The following NLGN1 variants were observed in gnomAD, a reference collection of about 807,000 sequenced individuals.
The protein encoded by NLGN1 is neuroligin 1.
NLGN1 carries 12 observed loss-of-function variants against 65.5 expected under a neutral mutation model. That is an observed-to-expected ratio of 0.18 (90% confidence interval 0.12 to 0.30). The LOEUF (loss-of-function observed/expected upper bound fraction) is 0.30. NLGN1 is among the 10% of genes least tolerant of loss of function. The pLI is 1.00. For synonymous variants in NLGN1, 350 were observed against 359.5 expected, an observed-to-expected ratio of 0.97 and a Z score of 0.30; for missense variants, 750 against 1,007.1, an observed-to-expected ratio of 0.74 and a Z score of 3.46.
intron 4 of NLGN1, among the ~76,000 whole-genome samples, chr3:174,178,694 A>G (rs1042758281): frequency 6.6e-6 from 1 of 151,822 alleles, no homozygotes; most frequent in South Asian, 2.1e-4. Context: ...TCTCCTGTGT[A>G]TTTTTTTTCC....
At chr3:173,755,116 GA>G (rs1227817313) in intron 3 of NLGN1, among the ~76,000 whole-genome samples, 1 of 151,980 alleles carries the variant, frequency 6.6e-6, no homozygotes, top group Non-Finnish European at 1.5e-5. Context: ...TAAAAATCAG[GA>G]AAAATTTTGG....
chr3:174,123,256 T>C (rs1400982342), intron 4 of NLGN1, among the ~76,000 whole-genome samples: 2 of 152,090 alleles, frequency 1.3e-5, no homozygotes, highest in Non-Finnish European at 2.9e-5. Context: ...GCAGAAAAAT[T>C]AATGGCCACC....
At chr3:173,408,053 G>A (rs1711634594) in intron 1 of NLGN1, among the ~76,000 whole-genome samples, 1 of 152,078 alleles carries the variant, frequency 6.6e-6, no homozygotes. Context: ...CATCAAATGA[G>A]AAGATTCTTC....
chr3:173,780,538 A>G (rs1350200802), intron 3 of NLGN1, among the ~76,000 whole-genome samples: 3 of 152,224 alleles, frequency 2.0e-5, no homozygotes, highest in Non-Finnish European at 2.9e-5. Context: ...AGCAACCAAG[A>G]CAATAACATG....
chr3:173,800,285 A>G, intron 3 of NLGN1: 4 of 1,115,402 alleles, frequency 3.6e-6, no homozygotes, highest in Non-Finnish European at 3.4e-6. Flanking sequence ...CTCCGTTCTC[A>G]ATCCTAGGTC....
intron 3 of NLGN1, 139 bp downstream of exon 3, chr3:173,605,732 A>C: frequency 2.5e-6 from 1 of 403,830 alleles, no homozygotes; most frequent in Non-Finnish European, 4.7e-6. Flanking sequence ...GCTGTCAAGG[A>C]ATATAAAGGT....
chr3:173,695,333 T>A (rs943422319), intron 3 of NLGN1, among the ~76,000 whole-genome samples: 1 of 152,096 alleles, frequency 6.6e-6, no homozygotes, highest in African/African-American at 2.4e-5. Flanking sequence ...CATTTGTTAA[T>A]AGGTAGCTTG....
chr3:173,498,695 T>C (rs1021237628), intron 2 of NLGN1, among the ~76,000 whole-genome samples: 3 of 151,782 alleles, frequency 2.0e-5, no homozygotes, highest in African/African-American at 4.9e-5. Flanking sequence ...TCCTATTTCT[T>C]CACATCCTCT....
intron 3 of NLGN1, among the ~76,000 whole-genome samples, chr3:173,747,197 TAA>T (rs972329332): frequency 1.1e-4 from 15 of 134,788 alleles, no homozygotes; most frequent in African/African-American, 3.9e-4. Flanking sequence ...AATATATATA[TAA>T]TATATATATC....
At chr3:173,415,298 A>G (rs1371937858) in intron 1 of NLGN1, among the ~76,000 whole-genome samples, 1 of 152,224 alleles carries the variant, frequency 6.6e-6, no homozygotes, top group African/African-American at 2.4e-5. Context: ...AGGGATTGCT[A>G]TTTAAATCTG....
chr3:174,178,523 A>C lies in NLGN1; in HGVS notation c.647-96792A>C, dbSNP rs151299132. ...GAGCAGTAAATCCGGTGCTTAAAGT[A>C]GAAGATGAGTATTTCACTGCCTAGC... On this transcript the variant is annotated intron_variant, in intron 4 of 6. Transcript: ENST00000457714. Among the ~76,000 whole-genome samples the C allele has an allele frequency of 3.2e-4, 49 of 152,268 alleles. No individual in the cohort carries two copies. In the East Asian group the frequency reaches 9.1e-3, roughly 28 times the overall value.
At chr3:173,774,601 T>G (rs1312314083) in intron 3 of NLGN1, among the ~76,000 whole-genome samples, 2 of 152,160 alleles carry the variant, frequency 1.3e-5, no homozygotes, top group Admixed American at 1.3e-4. Flanking sequence ...ATGGGCTGTT[T>G]ATGGGCCTGG....
chr3:174,030,037 C>A (rs920851162), intron 4 of NLGN1, among the ~76,000 whole-genome samples: 4 of 151,308 alleles, frequency 2.6e-5, no homozygotes, highest in Non-Finnish European at 4.4e-5. Context: ...TAAATGTTGG[C>A]TATAATCATT....
intron 2 of NLGN1, among the ~76,000 whole-genome samples, chr3:173,449,143 A>C (rs1323994808): frequency 2.0e-5 from 3 of 151,882 alleles, no homozygotes; most frequent in Admixed American, 6.6e-5. Flanking sequence ...TAATTCTTTT[A>C]ATTGTGATGT....
intron 4 of NLGN1, among the ~76,000 whole-genome samples, chr3:174,085,402 T>G (rs1401633791): frequency 6.6e-6 from 1 of 152,064 alleles, no homozygotes; most frequent in Non-Finnish European, 1.5e-5. Flanking sequence ...AAGTCAGGTG[T>G]GAATTAAAGT....
intron 4 of NLGN1, among the ~76,000 whole-genome samples, chr3:173,969,832 AAG>A (rs1344649265): frequency 1.3e-5 from 2 of 152,100 alleles, no homozygotes; most frequent in Non-Finnish European, 2.9e-5. Context: ...GCTACCAAAA[AAG>A]AGTTTTGACT....
intron 3 of NLGN1, among the ~76,000 whole-genome samples, chr3:173,640,861 A>G (rs1314738487): frequency 6.6e-6 from 1 of 152,196 alleles, no homozygotes; most frequent in Non-Finnish European, 1.5e-5. Flanking sequence ...CTTTGGCAAG[A>G]ATATTACTTA....
chr3:174,259,286 C>A (rs1431894240), intron 4 of NLGN1, among the ~76,000 whole-genome samples: 4 of 152,042 alleles, frequency 2.6e-5, no homozygotes, highest in African/African-American at 9.7e-5. Flanking sequence ...ACCATAGCAT[C>A]CCTCTTTCCC....
At chr3:173,569,873 C>T (rs1206535858) in intron 2 of NLGN1, among the ~76,000 whole-genome samples, 1 of 41,680 alleles carries the variant, frequency 2.4e-5, no homozygotes, top group Admixed American at 2.5e-4. Context: ...CACATTCATG[C>T]TTTCTCTAAG....
Sources: gnomAD v4.1 joint callset for allele counts (sites outside exome capture counted in the v4.1 genomes callset) on GRCh38, gnomAD v4.1.1 for gene constraint, MANE v1.5 for transcripts, NCBI Gene and HGNC (gene_info 2026-07-23, HGNC 2026-07-21) for gene names.